ARK2N: variants seen among roughly 807,000 people sequenced by gnomAD.
The protein encoded by ARK2N is protein ARK2N.
At chr18:46,236,838 T>G in the ARK2N span, among the ~76,000 whole-genome samples, 66,632 of 150,060 alleles carry the variant, frequency 0.44, 16,379 homozygotes, top group Middle Eastern at 0.57. Context: ...CTGTTTTTTT[T>G]TTGTTGTTGT....
the ARK2N span, among the ~76,000 whole-genome samples, chr18:46,233,166 A>T: frequency 1.3e-5 from 2 of 152,106 alleles, no homozygotes; most frequent in Admixed American, 6.5e-5. Flanking sequence ...CTTTTTCTTT[A>T]AACTATATGT....
At chr18:46,266,163 C>T in the ARK2N span, 1 of 152,212 alleles carries the variant, frequency 6.6e-6, no homozygotes, top group African/African-American at 2.4e-5. Flanking sequence ...TATGAATTGT[C>T]TGGTTTACTA....
the ARK2N span, among the ~76,000 whole-genome samples, chr18:46,247,953 G>A: frequency 6.6e-6 from 1 of 152,234 alleles, no homozygotes; most frequent in Non-Finnish European, 1.5e-5. Context: ...GATTACAGGT[G>A]TGAGCCATGG....
chr18:46,186,376 A>G, the ARK2N span, among the ~76,000 whole-genome samples: 2 of 150,882 alleles, frequency 1.3e-5, no homozygotes, highest in African/African-American at 4.9e-5. Flanking sequence ...TTGTATTTTT[A>G]GTAGAGATTG....
At chr18:46,249,031 G>A in the ARK2N span, among the ~76,000 whole-genome samples, 1 of 152,126 alleles carries the variant, frequency 6.6e-6, no homozygotes, top group Non-Finnish European at 1.5e-5. Flanking sequence ...GTCACTTATA[G>A]AGTTGACTTT....
chr18:46,188,091 A>G, the ARK2N span, among the ~76,000 whole-genome samples: 2 of 152,184 alleles, frequency 1.3e-5, no homozygotes, highest in Non-Finnish European at 2.9e-5. Context: ...TATTAAACCT[A>G]TTTGAAGGGC....
chr18:46,266,151 A>G, the ARK2N span: 1 of 152,356 alleles, frequency 6.6e-6, no homozygotes, highest in South Asian at 2.1e-4. Context: ...ATCAATTATG[A>G]ATATGAATTG....
the ARK2N span, among the ~76,000 whole-genome samples, chr18:46,258,160 A>G: frequency 6.6e-6 from 1 of 152,168 alleles, no homozygotes; most frequent in Non-Finnish European, 1.5e-5. Context: ...TCCTGAGCTC[A>G]GACGATCTGC....
At chr18:46,265,303 T>C in the ARK2N span, 1 of 152,694 alleles carries the variant, frequency 6.5e-6, no homozygotes, top group African/African-American at 2.4e-5. Context: ...TGTTTTTGCA[T>C]GACCTGTTCT....
the ARK2N span, among the ~76,000 whole-genome samples, chr18:46,249,561 G>A: frequency 2.0e-5 from 3 of 152,072 alleles, no homozygotes; most frequent in Admixed American, 6.6e-5. Context: ...TGGCTACTTC[G>A]CTTTTCTGCA....
chr18:46,189,213 A>AG, the ARK2N span, among the ~76,000 whole-genome samples: 1 of 13,304 alleles, frequency 7.5e-5, no homozygotes, highest in South Asian at 1.9e-3. Context: ...AGACTGTCTC[A>AG]AAAAAAAAAA....
At chr18:46,200,293 A>G in the ARK2N span, among the ~76,000 whole-genome samples, 1 of 151,858 alleles carries the variant, frequency 6.6e-6, no homozygotes, top group South Asian at 2.1e-4. Context: ...GTCACAGGTT[A>G]CAGTTTTTTT....
chr18:46,240,541 A>G, the ARK2N span, among the ~76,000 whole-genome samples: 811 of 152,332 alleles, frequency 5.3e-3, 7 homozygotes, highest in Non-Finnish European at 4.8e-3. Flanking sequence ...AATTCTGGGT[A>G]GTGACCTTGC....
At chr18:46,197,392 G>A in the ARK2N span, among the ~76,000 whole-genome samples, 4 of 151,996 alleles carry the variant, frequency 2.6e-5, no homozygotes, top group South Asian at 2.1e-4. Context: ...CCACCACTAC[G>A]CCAGCTAATT....
the ARK2N span, among the ~76,000 whole-genome samples, chr18:46,187,400 A>C: frequency 6.7e-6 from 1 of 148,736 alleles, no homozygotes; most frequent in African/African-American, 2.5e-5. Context: ...GGAGTGCAGT[A>C]GCGCCATCTC....
At chr18:46,188,767 C>T in the ARK2N span, among the ~76,000 whole-genome samples, 32 of 152,278 alleles carry the variant, frequency 2.1e-4, no homozygotes, top group African/African-American at 7.5e-4. Flanking sequence ...AGTCTCAGCA[C>T]TTTGGGAGGC....
chr18:46,181,669 C>A, the ARK2N span, among the ~76,000 whole-genome samples: 1 of 152,106 alleles, frequency 6.6e-6, no homozygotes, highest in East Asian at 1.9e-4. Context: ...GAGCCAAGAT[C>A]GCGCCACTGC....
chr18:46,190,118 CA>C, the ARK2N span, among the ~76,000 whole-genome samples: 2 of 152,142 alleles, frequency 1.3e-5, no homozygotes, highest in South Asian at 4.2e-4. Context: ...TAGCTATGAG[CA>C]ATAATTAATG....
the ARK2N span, among the ~76,000 whole-genome samples, chr18:46,244,004 A>T: frequency 8.5e-5 from 13 of 152,190 alleles, no homozygotes; most frequent in Non-Finnish European, 1.8e-4. Context: ...TCTTGCTACA[A>T]GTACTTCTTA....
Sources: allele counts gnomAD v4.1 joint callset (sites outside exome capture counted in the v4.1 genomes callset), GRCh38; gene constraint gnomAD v4.1.1; transcripts MANE v1.5; gene names NCBI Gene and HGNC (gene_info 2026-07-23, HGNC 2026-07-21).